CDH8: variants seen among roughly 807,000 people sequenced by gnomAD.
CDH8 encodes cadherin 8, also known as cadherin-8.
In CDH8, 17 loss-of-function variants were observed where a neutral mutation model predicts 68.1. That is an observed-to-expected ratio of 0.25 (90% CI 0.17 to 0.37). The LOEUF (loss-of-function observed/expected upper bound fraction) is 0.37. Ranked by LOEUF, CDH8 falls within the 10% of genes least tolerant of loss-of-function variation. The pLI is 1.00. For synonymous variants in CDH8, 372 were observed against 365.1 expected, an observed-to-expected ratio of 1.02 and a Z score of -0.21; for missense variants, 763 against 999.3, an observed-to-expected ratio of 0.76 and a Z score of 3.19.
chr16:61,868,685 C>T (rs1007262234), intron 3 of CDH8, among the ~76,000 whole-genome samples: 2 of 152,020 alleles, frequency 1.3e-5, no homozygotes, highest in African/African-American at 4.8e-5. Flanking sequence ...TTTTTGGGGT[C>T]ATGTCAGCAC....
At chr16:61,871,202 G>C (rs1963354133) in intron 3 of CDH8, among the ~76,000 whole-genome samples, 1 of 151,580 alleles carries the variant, frequency 6.6e-6, no homozygotes, top group Admixed American at 6.6e-5. Context: ...CTTTTTTTGA[G>C]ACAGGATCTC....
intron 2 of CDH8, among the ~76,000 whole-genome samples, chr16:61,936,674 TG>T (rs1444982291): frequency 3.3e-5 from 5 of 152,146 alleles, no homozygotes; most frequent in Non-Finnish European, 7.4e-5. Flanking sequence ...TCTTGCTGAA[TG>T]GGATATGCAA....
intron 1 of CDH8, among the ~76,000 whole-genome samples, chr16:62,026,937 C>T (rs1023630903): frequency 4.6e-5 from 7 of 152,102 alleles, no homozygotes; most frequent in Non-Finnish European, 7.4e-5. Flanking sequence ...TTAATAACTG[C>T]GAATAGTAGC....
At chr16:61,813,542 T>C (rs1253387725) in intron 7 of CDH8, among the ~76,000 whole-genome samples, 3 of 152,190 alleles carry the variant, frequency 2.0e-5, no homozygotes, top group African/African-American at 7.2e-5. Flanking sequence ...TGAGCATGTC[T>C]ACATGCGCAC....
chr16:61,714,003 G>A lies in CDH8; in HGVS notation c.1537-45C>T, dbSNP rs773447642. 8.0e-6 allele frequency: 9 copies of A among 1,130,924 alleles called. No individual in the cohort carries two copies. The Admixed American group carries it at 1.5e-4, about 19-fold the overall frequency. 70.1% of individuals were successfully genotyped at this position (1,130,924 alleles called of 1,614,324 possible). A position where few individuals can be genotyped will look rare whatever the true frequency, so the allele number is the denominator to read the frequency against. ...GTCAGCATTTCTGATGATTTCAGAG[G>A]CTCCTGCCATCGGTAAAAGCTTAGT... is the stretch of plus-strand genomic sequence containing the variant. On this transcript the variant is annotated intron_variant, in intron 9 of 11. Transcript: ENST00000577390.
In CDH8 at chr16:61,661,472, A is replaced by G. The variant is rs143663640; in HGVS notation, c.1655-5751T>C. On this transcript the variant is annotated intron_variant, in intron 10 of 11. Transcript: ENST00000577390. The stretch of plus-strand genomic sequence containing the variant: ...ACTCATAGACATGTAGAAATTAAAT[A>G]ATGCACTCTTAAATAGCCAATAGAT... Among the ~76,000 whole-genome samples, 39 of 152,028 alleles carry G rather than the reference A, an allele frequency of 2.6e-4. No homozygotes were observed. In the East Asian group the frequency reaches 6.0e-3, roughly 23 times the overall value.
At chr16:61,708,674 G>A (rs148065337) in intron 10 of CDH8, among the ~76,000 whole-genome samples, 2,174 of 152,284 alleles carry the variant, frequency 0.014, 16 homozygotes, top group Non-Finnish European at 0.022. Context: ...CAGTTTAGGT[G>A]ACAAAATGAA....
At chr16:61,965,327 G>A (rs1210638885) in intron 2 of CDH8, among the ~76,000 whole-genome samples, 1 of 152,138 alleles carries the variant, frequency 6.6e-6, no homozygotes, top group Non-Finnish European at 1.5e-5. Context: ...CATTCTTGCA[G>A]AGAAGGAAGA....
At chr16:61,907,322 C>T (rs1964078068) in intron 2 of CDH8, among the ~76,000 whole-genome samples, 1 of 152,060 alleles carries the variant, frequency 6.6e-6, no homozygotes, top group South Asian at 2.1e-4. Context: ...TCAGGTAGCT[C>T]TGACATCAAA....
chr16:61,774,453 C>T (rs1182539531), intron 8 of CDH8, among the ~76,000 whole-genome samples: 5 of 103,510 alleles, frequency 4.8e-5, no homozygotes, highest in African/African-American at 2.8e-4. Flanking sequence ...GCTTCAATCA[C>T]TCAGGGAAAA....
intron 10 of CDH8, among the ~76,000 whole-genome samples, chr16:61,680,168 T>C (rs534525023): frequency 5.3e-5 from 8 of 152,092 alleles, no homozygotes; most frequent in African/African-American, 1.9e-4. Context: ...TGTTTTAAAC[T>C]TGGGCAAACA....
At chr16:61,731,245 C>A (rs117854024) in intron 8 of CDH8, among the ~76,000 whole-genome samples, 3,536 of 151,732 alleles carry the variant, frequency 0.023, 70 homozygotes, top group Non-Finnish European at 0.035. Context: ...CTGGTAGATT[C>A]ACTGGAGAGA....
chr16:61,987,885 C>A (rs2150587065), intron 2 of CDH8, among the ~76,000 whole-genome samples: 1 of 152,248 alleles, frequency 6.6e-6, no homozygotes, highest in Admixed American at 6.5e-5. Context: ...TCATTTAGTT[C>A]TCTCAATAGC....
At chr16:62,023,255 T>C (rs1902116379) in intron 1 of CDH8, among the ~76,000 whole-genome samples, 1 of 152,128 alleles carries the variant, frequency 6.6e-6, no homozygotes, top group Non-Finnish European at 1.5e-5. Context: ...AGCATACCCA[T>C]GCTGTGCTCT....
chr16:61,766,923 C>T (rs982506351), intron 8 of CDH8, among the ~76,000 whole-genome samples: 3 of 151,936 alleles, frequency 2.0e-5, no homozygotes, highest in Non-Finnish European at 4.4e-5. Flanking sequence ...GCAGGACTAA[C>T]CTTTGAGCTG....
intron 10 of CDH8, among the ~76,000 whole-genome samples, chr16:61,670,978 G>GCAAC (rs1180062088): frequency 6.6e-6 from 1 of 151,940 alleles, no homozygotes; most frequent in Admixed American, 6.6e-5. Context: ...TTGAAAGCAG[G>GCAAC]CAACTGAAAC....
intron 2 of CDH8, among the ~76,000 whole-genome samples, chr16:62,003,000 A>T (rs2408010): frequency 6.6e-6 from 1 of 151,804 alleles, no homozygotes; most frequent in East Asian, 1.9e-4. Flanking sequence ...TGCAGTGAGC[A>T]GATATCGCAC....
At position 61,834,674 on chromosome 16, in the gene CDH8, T is replaced by C. The variant is rs143323136; in HGVS notation, c.668-9495A>G. Reference sequence around the variant, plus strand: ...ATTCATGAAAAAACAATTTCTTTGATATACATGCTTTACCAATGAATGATG... The same window carrying C: ...ATTCATGAAAAAACAATTTCTTTGACATACATGCTTTACCAATGAATGATG... On this transcript the variant is annotated intron_variant, in intron 4 of 11. Coordinates refer to ENST00000577390, the MANE Select transcript of CDH8 (RefSeq NM_001796.5). Among the ~76,000 whole-genome samples, 523 of 152,094 alleles carry C rather than the reference T, an allele frequency of 3.4e-3. 2 individuals are homozygous for C. Among genetic ancestry groups the C allele is most frequent in the Non-Finnish European group, 5.2e-3 (350 of 67,938 alleles).
intron 1 of CDH8, among the ~76,000 whole-genome samples, chr16:62,030,578 A>G (rs1394138612): frequency 1.3e-5 from 2 of 152,190 alleles, no homozygotes; most frequent in Non-Finnish European, 2.9e-5. Context: ...CCATTCCTCC[A>G]TCTACTTATT....
Sources: allele counts gnomAD v4.1 joint callset (sites outside exome capture counted in the v4.1 genomes callset), GRCh38; gene constraint gnomAD v4.1.1; transcripts MANE v1.5; gene names NCBI Gene and HGNC (gene_info 2026-07-23, HGNC 2026-07-21).